ANTKMT: variants seen among roughly 807,000 people sequenced by gnomAD.
ANTKMT encodes adenine nucleotide translocase lysine methyltransferase.
ANTKMT carries 24 observed loss-of-function variants against 20.7 expected under a neutral mutation model. The observed-to-expected ratio is 1.16, with a 90% CI of 0.84 to 1.63. ANTKMT has a LOEUF of 1.63. ANTKMT is among the 40% of genes most tolerant of loss of function. The pLI is 0.00. For synonymous variants in ANTKMT, 193 were observed against 161.2 expected (o/e 1.20, Z -1.49); for missense variants, 428 against 334.8 (o/e 1.28, Z -2.17).
At position 721,817 on chromosome 16, in the gene ANTKMT, G is replaced by C; in HGVS notation, c.284G>C (p.Arg95Thr). 6.4e-7 allele frequency: 1 copy of C among 1,553,498 alleles called. No homozygotes were observed. Among genetic ancestry groups the C allele is most frequent in the East Asian group, 2.4e-5 (1 of 41,876 alleles). ...GDGRIVLAAH[R>T]CGLRPAVGYE... Reference sequence around the variant, plus strand: ...TGCCCACAGGTGCTGGCGGCCCACAGGTGCGGCCTCCGCCCGGCCGTGGGC... The same window carrying C: ...TGCCCACAGGTGCTGGCGGCCCACACGTGCGGCCTCCGCCCGGCCGTGGGC... The change falls in exon 3 of 5, where the codon AGG (arginine) becomes ACG (threonine). Residue 95 changes from arginine to threonine, a missense_variant. Coordinates refer to ENST00000569529, the MANE Select transcript of ANTKMT (RefSeq NM_023933.3).
At position 722,107 on chromosome 16, in the gene ANTKMT, CGTGTCT is replaced by C; in HGVS notation, c.437_442del (p.Ser146_Val147del). The C allele has an allele frequency of 1.9e-6, 3 of 1,609,060 alleles. No individual in the cohort carries two copies. Among genetic ancestry groups the C allele is most frequent in the Non-Finnish European group, 2.5e-6 (3 of 1,178,934 alleles). ...AGGTGAGCCTGAGGGACTGCCGCAACGTGTCTGTGTTCCTGGCCCCTAGCGTGGTAG... is the reference window on the plus strand; with the variant it reads ...AGGTGAGCCTGAGGGACTGCCGCAACGTGTTCCTGGCCCCTAGCGTGGTAG... On this transcript the variant is annotated inframe_deletion, in exon 4 of 5. Coordinates refer to ENST00000569529, the MANE Select transcript of ANTKMT (RefSeq NM_023933.3).
At chr16:722,033 C>G in intron 3 of ANTKMT, 51 bp from the exon 4 acceptor site, 1 of 1,567,606 alleles carries the variant, frequency 6.4e-7, no homozygotes, top group Non-Finnish European at 8.6e-7. Context: ...GCTGCGATGA[C>G]CCGGTGCCCA....
chr16:721,236 G>T lies in ANTKMT; in HGVS notation c.-39G>T. ...CTGCGAGGGCCGCGGACCCGAGCCG[G>T]GAAGGACCTTGGGCGGACGAGCCGC... is the stretch of plus-strand genomic sequence containing the variant. On this transcript the variant is annotated 5_prime_UTR_variant, in exon 1 of 5. Coordinates refer to ENST00000569529, the MANE Select transcript of ANTKMT (RefSeq NM_023933.3). 2 of 1,235,994 alleles carry T rather than the reference G, an allele frequency of 1.6e-6. No homozygotes were observed. The highest frequency in any genetic ancestry group is 2.0e-6 in the Non-Finnish European group (2 of 988,150). The allele number at this position is 1,235,994 out of a possible 1,614,324, so 76.6% of individuals were successfully genotyped here.
chr16:722,232 G>C, intron 4 of ANTKMT, 77 bp from the exon 5 acceptor site: 2 of 1,582,806 alleles, frequency 1.3e-6, no homozygotes, highest in Non-Finnish European at 1.7e-6. Context: ...TGCTAGGCTT[G>C]GGGCTAGGGG....
intron 3 of ANTKMT, 24 bp downstream of exon 3, chr16:721,965 C>CCG (rs1341291272): frequency 6.4e-7 from 1 of 1,561,000 alleles, no homozygotes; most frequent in Non-Finnish European, 8.6e-7. Flanking sequence ...CCCTGGCCAC[C>CCG]CGCTGACAGC....
At chr16:722,238 A>C (rs765022574) in intron 4 of ANTKMT, 71 bp from the exon 5 acceptor site, 1 of 1,584,128 alleles carries the variant, frequency 6.3e-7, no homozygotes, top group East Asian at 2.3e-5. Context: ...GCTTGGGGCT[A>C]GGGGGGTGAG....
chr16:721,415 G>A lies in ANTKMT; in HGVS notation c.141G>A (p.Arg47=). 1 of 1,297,056 alleles carries A rather than the reference G, an allele frequency of 7.7e-7. No homozygotes were observed. Among genetic ancestry groups the A allele is most frequent in the Non-Finnish European group, 9.7e-7 (1 of 1,028,980 alleles). The allele number at this position is 1,297,056 out of a possible 1,614,324, so 80.3% of individuals were successfully genotyped here. The change falls in exon 1 of 5, where the codon CGG becomes CGA. Residue 47 remains arginine (R), a synonymous_variant. Coordinates refer to ENST00000569529, the MANE Select transcript of ANTKMT (RefSeq NM_023933.3). ...CGCTGCTGCTCCAGCCCGGCTTCCG[G>A]CGCGTGCCGCTGCGGCTGCAGGTGC... ...VWALLLQPGF[R]RVPLRLQVPY... is the part of the protein sequence containing the mutation.
chr16:721,339 A>G lies in ANTKMT; in HGVS notation c.65A>G (p.Glu22Gly). 1 of 1,347,358 alleles carries G rather than the reference A, an allele frequency of 7.4e-7. No individual in the cohort carries two copies. Among genetic ancestry groups the G allele is most frequent in the Non-Finnish European group, 9.5e-7 (1 of 1,048,956 alleles). The allele number at this position is 1,347,358 out of a possible 1,614,324, so 83.5% of individuals were successfully genotyped here. ...CGCGAGCGGCGGCTGGGCGCGCTGGAGCTGCTGCAGGCGGCGGCCGGCTCG... is the reference window on the plus strand; with the variant it reads ...CGCGAGCGGCGGCTGGGCGCGCTGGGGCTGCTGCAGGCGGCGGCCGGCTCG... ...ELRERRLGALELLQAAAGSGL... is the reference protein window; with the variant it reads ...ELRERRLGALGLLQAAAGSGL... The change falls in exon 1 of 5, where the codon GAG (glutamate) becomes GGG (glycine). Residue 22 changes from glutamate (E) to glycine (G), a missense_variant. Coordinates refer to ENST00000569529, the MANE Select transcript of ANTKMT (RefSeq NM_023933.3).
rs1271064786 is a variant in ANTKMT, at chr16:721,358, C to T, written c.84C>T (p.Ala28=). The part of the protein sequence containing the change: ...LGALELLQAA[A]GSGLAAYAVW... Reference sequence around the variant, plus strand: ...CGCTGGAGCTGCTGCAGGCGGCGGCCGGCTCGGGCTTGGCAGCCTACGCGG... The same window carrying T: ...CGCTGGAGCTGCTGCAGGCGGCGGCTGGCTCGGGCTTGGCAGCCTACGCGG... The change falls in exon 1 of 5, where the codon GCC becomes GCT. Residue 28 remains alanine, a synonymous_variant. Transcript: ENST00000569529. The T allele has an allele frequency of 3.0e-6, 4 of 1,335,442 alleles. No individual in the cohort carries two copies. Among genetic ancestry groups the T allele is most frequent in the Admixed American group, 3.6e-5 (1 of 28,072 alleles). The allele number at this position is 1,335,442 out of a possible 1,614,324, so 82.7% of individuals were successfully genotyped here. A position where few individuals can be genotyped will look rare whatever the true frequency, so the allele number is the denominator to read the frequency against.
chr16:722,526 TC>T lies in ANTKMT; in HGVS notation c.680del (p.Pro227ArgfsTer12), dbSNP rs751989245. 4.4e-6 allele frequency: 7 copies of T among 1,594,350 alleles called. No homozygotes were observed. The South Asian group carries it at 7.7e-5, about 18-fold the overall frequency. ...GCCCCCGGACCTAGTTCTGCCCCCA[TC>T]CCGGGGGGCCTTATTTCTCAGGCCA... The part of the protein sequence containing the change: ...QAAPGPSSAP[I>X]PGGLISQAS On this transcript the variant is annotated frameshift_variant, in exon 5 of 5. Coordinates refer to ENST00000569529, the MANE Select transcript of ANTKMT (RefSeq NM_023933.3). LOFTEE classifies it low-confidence loss of function (END_TRUNC).
Position 721,447 on chromosome 16 carries a change from GGGCCA to G in ANTKMT, c.162+16_162+20del, listed in dbSNP as rs1468072018. 1 of 1,333,458 alleles carries G rather than the reference GGGCCA, an allele frequency of 7.5e-7. No individual in the cohort carries two copies. The allele number at this position is 1,333,458 out of a possible 1,614,324, so 82.6% of individuals were successfully genotyped here. A position where few individuals can be genotyped will look rare whatever the true frequency, so the allele number is the denominator to read the frequency against. On this transcript the variant is annotated intron_variant, in intron 1 of 4. Coordinates refer to ENST00000569529, the MANE Select transcript of ANTKMT (RefSeq NM_023933.3). ...CCGCTGCGGCTGCAGGTGCGGGGCG[GGGCCA>G]GGCCGGGCAGGGGAGCTCGGCTGCC...
intron 1 of ANTKMT, 59 bp from the exon 2 acceptor site, chr16:721,539 G>C (rs547379641): frequency 3.4e-6 from 5 of 1,485,438 alleles, no homozygotes; most frequent in African/African-American, 2.9e-5. Context: ...GTGGTAGTTC[G>C]GGCCGGGCTG....
In ANTKMT at chr16:722,109, T is replaced by G; in HGVS notation, c.434T>G (p.Val145Gly). Reference protein sequence around the residue: ...WKVSLRDCRNVSVFLAPSVLP... With the variant: ...WKVSLRDCRNGSVFLAPSVLP... The stretch of plus-strand genomic sequence containing the variant: ...GTGAGCCTGAGGGACTGCCGCAACG[T>G]GTCTGTGTTCCTGGCCCCTAGCGTG... Residue 145 changes from valine (V) to glycine (G), a missense_variant, in exon 4 of 5, where the codon GTG (valine) becomes GGG (glycine). Transcript: ENST00000569529. 1.2e-6 allele frequency: 2 copies of G among 1,609,146 alleles called. No individual in the cohort carries two copies. The highest frequency in any genetic ancestry group is 8.5e-7 in the Non-Finnish European group (1 of 1,178,932).
intron 1 of ANTKMT, 26 bp from the exon 2 acceptor site, chr16:721,572 T>C: frequency 1.3e-6 from 2 of 1,529,496 alleles, no homozygotes; most frequent in Non-Finnish European, 1.8e-6. Flanking sequence ...GAGCGGCCAG[T>C]GGACTCTCGC....
Position 721,621 on chromosome 16 carries a change from G to T in ANTKMT, c.186G>T (p.Ala62=). The T allele has an allele frequency of 6.5e-7, 1 of 1,545,062 alleles. No homozygotes were observed. Among genetic ancestry groups the T allele is most frequent in the Non-Finnish European group, 8.7e-7 (1 of 1,145,826 alleles). The change falls in exon 2 of 5, where the codon GCG becomes GCT. Residue 62 remains alanine, a synonymous_variant. Coordinates refer to ENST00000569529, the MANE Select transcript of ANTKMT (RefSeq NM_023933.3). ...AGGTGCCCTACGTCGGCGCGAGCGC[G>T]CGGCAGGTGGAGCACGTGTTGTCGC... ...RLQVPYVGAS[A]RQVEHVLSLL...
intron 3 of ANTKMT, 53 bp from the exon 4 acceptor site, chr16:722,031 G>T: frequency 6.4e-7 from 1 of 1,564,502 alleles, no homozygotes; most frequent in South Asian, 1.2e-5. Context: ...AAGCTGCGAT[G>T]ACCCGGTGCC....
At chr16:721,736 C>T (rs907631769) in intron 2 of ANTKMT, 34 bp downstream of exon 2, 2 of 1,542,126 alleles carry the variant, frequency 1.3e-6, no homozygotes, top group Non-Finnish European at 1.7e-6. Flanking sequence ...CGCCGCCCCA[C>T]ACCGCCCACC....
In ANTKMT at chr16:721,628, G is replaced by A; in HGVS notation, c.193G>A (p.Val65Met). Reference sequence around the variant, plus strand: ...CTACGTCGGCGCGAGCGCGCGGCAGGTGGAGCACGTGTTGTCGCTGCTGCG... The same window carrying A: ...CTACGTCGGCGCGAGCGCGCGGCAGATGGAGCACGTGTTGTCGCTGCTGCG... Reference protein sequence around the residue: ...VPYVGASARQVEHVLSLLRGR... With the variant: ...VPYVGASARQMEHVLSLLRGR... Residue 65 changes from valine to methionine, a missense_variant, in exon 2 of 5, where the codon GTG becomes ATG. Physicochemically the swap from Val to Met is conservative, Grantham distance 21. Transcript: ENST00000569529. 1 of 1,546,726 alleles carries A rather than the reference G, an allele frequency of 6.5e-7. No individual in the cohort carries two copies. The highest frequency in any genetic ancestry group is 8.7e-7 in the Non-Finnish European group (1 of 1,146,470).
At position 722,501 on chromosome 16, in the gene ANTKMT, GCC is replaced by G. The variant is rs766564345; in HGVS notation, c.656_657del (p.Pro219ArgfsTer3). 3 of 1,612,106 alleles carry G rather than the reference GCC, an allele frequency of 1.9e-6. No individual in the cohort carries two copies. In the South Asian group the frequency reaches 3.3e-5, roughly 18 times the overall value. On this transcript the variant is annotated frameshift_variant, in exon 5 of 5. Transcript: ENST00000569529. LOFTEE classifies it low-confidence loss of function (END_TRUNC). The stretch of plus-strand genomic sequence containing the variant: ...CTCCTCGCGGATACCCATCCAGGCT[GCC>G]CCCGGACCTAGTTCTGCCCCCATCC... ...AASSRIPIQA[A>X]PGPSSAPIPG...
Sources: allele counts gnomAD v4.1 joint callset, GRCh38; gene constraint gnomAD v4.1.1; transcripts MANE v1.5; gene names NCBI Gene and HGNC (gene_info 2026-07-23, HGNC 2026-07-21).